KLC1: variants seen among roughly 807,000 people sequenced by gnomAD.
The protein encoded by KLC1 is kinesin 2 60/70kDa.
In KLC1, 30 loss-of-function variants were observed where a neutral mutation model predicts 84.2. The observed-to-expected ratio is 0.36, with a 90% CI of 0.27 to 0.48. KLC1 has a LOEUF of 0.48. KLC1 is among the 20% of genes least tolerant of loss of function. The pLI is 0.99. For synonymous variants in KLC1, 289 were observed against 293.3 expected, an observed-to-expected ratio of 0.99 and a Z score of 0.15; for missense variants, 499 against 805.4, an observed-to-expected ratio of 0.62 and a Z score of 4.60.
At position 103,687,329 on chromosome 14, in the gene KLC1, T is replaced by G. The variant is rs909829454; in HGVS notation, c.1781+118T>G. On this transcript the variant is annotated intron_variant, in intron 14 of 16. Coordinates refer to ENST00000334553, the MANE Select transcript of KLC1 (RefSeq NM_001394837.1). The stretch of plus-strand genomic sequence containing the variant: ...GGAAAGACACTCCAGTTGGTTCCCG[T>G]ATTCTCACAACCGAAGGGTTTCATA... 4 of 1,061,112 alleles carry G rather than the reference T, an allele frequency of 3.8e-6. No homozygotes were observed. The African/African-American group carries it at 6.4e-5, about 17-fold the overall frequency. The allele number at this position is 1,061,112 out of a possible 1,614,324, so 65.7% of individuals were successfully genotyped here.
chr14:103,643,666 G>A (rs1212296117), intron 1 of KLC1, among the ~76,000 whole-genome samples: 2 of 152,178 alleles, frequency 1.3e-5, no homozygotes, highest in Non-Finnish European at 2.9e-5. Context: ...GGTGGCTCAC[G>A]CCTGTAATCC....
At chr14:103,631,112 G>C (rs1483102518) in intron 1 of KLC1, among the ~76,000 whole-genome samples, 1 of 150,458 alleles carries the variant, frequency 6.6e-6, no homozygotes, top group Non-Finnish European at 1.5e-5. Context: ...ATGGAGTCTC[G>C]CTCTGTCGCC....
At chr14:103,646,993 A>G (rs922526548) in intron 1 of KLC1, among the ~76,000 whole-genome samples, 3 of 152,124 alleles carry the variant, frequency 2.0e-5, no homozygotes, top group Non-Finnish European at 4.4e-5. Flanking sequence ...ATTCATATTT[A>G]TGTCTGGTGT....
Position 103,647,740 on chromosome 14 carries a change from G to A in KLC1, c.-1-6824G>A, listed in dbSNP as rs2078058574. Among the ~76,000 whole-genome samples, 5 of 151,598 alleles carry A rather than the reference G, an allele frequency of 3.3e-5. No homozygotes were observed. The South Asian group carries it at 1.0e-3, about 32-fold the overall frequency. Reference sequence around the variant, plus strand: ...AAAATACAAAAATTAGCTGAGCATGGTGGTGTGTTCCTGTAGTTCTAGCTA... The same window carrying A: ...AAAATACAAAAATTAGCTGAGCATGATGGTGTGTTCCTGTAGTTCTAGCTA... On this transcript the variant is annotated intron_variant, in intron 1 of 16. Coordinates refer to ENST00000334553, the MANE Select transcript of KLC1 (RefSeq NM_001394837.1).
chr14:103,668,386 G>T (rs901419897), intron 5 of KLC1, among the ~76,000 whole-genome samples: 2 of 152,216 alleles, frequency 1.3e-5, no homozygotes, highest in Non-Finnish European at 2.9e-5. Context: ...AGCTAGTTGG[G>T]TCTGATTCCA....
intron 15 of KLC1, chr14:103,696,058 G>T (rs940020765): frequency 2.0e-6 from 2 of 982,144 alleles, no homozygotes; most frequent in African/African-American, 1.8e-5. Flanking sequence ...GTCAGCACCT[G>T]TTTCTTCAGA....
At chr14:103,658,814 C>T (rs1354833132) in intron 3 of KLC1, among the ~76,000 whole-genome samples, 2 of 151,016 alleles carry the variant, frequency 1.3e-5, no homozygotes, top group East Asian at 3.9e-4. Context: ...TGTGCCACCA[C>T]GCCTGGCCAA....
At chr14:103,672,871 T>C in intron 7 of KLC1, 143 bp from the exon 8 acceptor site, 2 of 693,406 alleles carry the variant, frequency 2.9e-6, no homozygotes. Context: ...CTACGTGGTG[T>C]AGCGAGCCAG....
rs2077158782 is a variant in KLC1, at chr14:103,637,738, G to C, written c.-2+8244G>C. On this transcript the variant is annotated intron_variant, in intron 1 of 16. Transcript: ENST00000334553. The stretch of plus-strand genomic sequence containing the variant: ...TATTTAATTTTTGAGACAGGATCTT[G>C]CTCTGTTGCCTAGGTTGGAGTGCAG... 2.6e-5 allele frequency among the ~76,000 whole-genome samples: 4 copies of C among 152,142 alleles called. No homozygotes were observed. The South Asian group carries it at 8.3e-4, about 32-fold the overall frequency.
chr14:103,671,169 A>T (rs949398896), intron 7 of KLC1, among the ~76,000 whole-genome samples: 3 of 152,124 alleles, frequency 2.0e-5, no homozygotes, highest in South Asian at 2.1e-4. Context: ...AAAATGAAAT[A>T]ATTATTATTA....
chr14:103,685,854 T>G, intron 13 of KLC1: 7 of 1,172,606 alleles, frequency 6.0e-6, no homozygotes, highest in Non-Finnish European at 7.5e-6. Flanking sequence ...AGATATGTAC[T>G]TAGTAATATA....
intron 15 of KLC1, chr14:103,695,309 A>T: frequency 4.2e-6 from 3 of 707,042 alleles, no homozygotes; most frequent in Non-Finnish European, 5.1e-6. Flanking sequence ...AAAAAAAACC[A>T]TGTGTATATA....
intron 15 of KLC1, chr14:103,699,295 G>T: frequency 6.5e-7 from 1 of 1,545,516 alleles, no homozygotes; most frequent in South Asian, 1.2e-5. Context: ...CCCACCTCCA[G>T]ACCGGCTCTG....
At chr14:103,667,791 T>A (rs1159998158) in intron 5 of KLC1, among the ~76,000 whole-genome samples, 1 of 152,242 alleles carries the variant, frequency 6.6e-6, no homozygotes, top group Admixed American at 6.5e-5. Context: ...CTTATTAACC[T>A]TTCTCACGTT....
chr14:103,643,145 A>T (rs2077621062), intron 1 of KLC1, among the ~76,000 whole-genome samples: 1 of 152,236 alleles, frequency 6.6e-6, no homozygotes, highest in African/African-American at 2.4e-5. Flanking sequence ...GTCCATATTG[A>T]TATAAATAAT....
intron 15 of KLC1, chr14:103,696,776 G>A (rs1297263845): frequency 2.6e-5 from 26 of 985,364 alleles, no homozygotes; most frequent in Non-Finnish European, 3.1e-5. Flanking sequence ...GGCAATGAGG[G>A]TCAGGGCGCG....
At chr14:103,659,790 C>T (rs868232587) in intron 3 of KLC1, among the ~76,000 whole-genome samples, 2 of 152,044 alleles carry the variant, frequency 1.3e-5, no homozygotes, top group African/African-American at 2.4e-5. Flanking sequence ...ACAAATACCA[C>T]GGGCTGGATG....
chr14:103,688,294 C>T (rs1222007141), intron 14 of KLC1, among the ~76,000 whole-genome samples: 1 of 152,096 alleles, frequency 6.6e-6, no homozygotes, highest in Non-Finnish European at 1.5e-5. Flanking sequence ...GGATTACAGG[C>T]ACATGCCACC....
chr14:103,631,845 C>T (rs141508380), intron 1 of KLC1, among the ~76,000 whole-genome samples: 2,481 of 151,966 alleles, frequency 0.016, 64 homozygotes, highest in African/African-American at 0.056. Flanking sequence ...GCGATCCACC[C>T]GCCTCAGCCT....
Sources: gnomAD v4.1 joint callset for allele counts (sites outside exome capture counted in the v4.1 genomes callset) on GRCh38, gnomAD v4.1.1 for gene constraint, MANE v1.5 for transcripts, NCBI Gene and HGNC (gene_info 2026-07-23, HGNC 2026-07-21) for gene names.